The following C2orf66 variants were observed in gnomAD, a reference collection of about 807,000 sequenced individuals.
C2orf66 encodes chromosome 2 open reading frame 66, also known as uncharacterized protein C2orf66.
C2orf66 carries 6 observed loss-of-function variants against 7.0 expected under a neutral mutation model. The observed-to-expected ratio is 0.86, with a 90% CI of 0.47 to 1.69. The LOEUF is 1.69. Among genes scored for constraint, C2orf66 ranks in the 40% most tolerant of loss-of-function variants. C2orf66 has a pLI of 0.01. For missense variants in C2orf66, 107 were observed against 112.0 expected (o/e 0.96, Z 0.20); for synonymous variants, 38 against 43.8 (o/e 0.87, Z 0.52).
chr2:196,821,055 G>A, the C2orf66 span, among the ~76,000 whole-genome samples: 4 of 152,282 alleles, frequency 2.6e-5, no homozygotes, highest in Admixed American at 2.6e-4. Context: ...GATTTCACAG[G>A]CACACAGAGG....
At chr2:196,815,132 C>CT in the C2orf66 span, among the ~76,000 whole-genome samples, 89 of 148,910 alleles carry the variant, frequency 6.0e-4, no homozygotes, top group African/African-American at 1.2e-3. Flanking sequence ...GGCTGGCTCT[C>CT]TTTTTTTTTT....
intron 1 of C2orf66, 123 bp downstream of exon 1, chr2:196,809,091 G>T: frequency 9.6e-7 from 1 of 1,040,136 alleles, no homozygotes; most frequent in Non-Finnish European, 1.4e-6. Flanking sequence ...AATCCTGTTG[G>T]AGAATTTTCT....
At chr2:196,829,375 G>A in the C2orf66 span, among the ~76,000 whole-genome samples, 1 of 152,012 alleles carries the variant, frequency 6.6e-6, no homozygotes, top group Non-Finnish European at 1.5e-5. Flanking sequence ...GATCACCTGA[G>A]GTCAGGAGTT....
At chr2:196,823,725 G>A in the C2orf66 span, among the ~76,000 whole-genome samples, 1 of 152,098 alleles carries the variant, frequency 6.6e-6, no homozygotes, top group Non-Finnish European at 1.5e-5. Context: ...TGTCTAGTTT[G>A]GTGAAGACTA....
upstream of C2orf66, chr2:196,810,242 A>C (rs943964863): frequency 3.3e-5 from 5 of 152,194 alleles, no homozygotes; most frequent in Non-Finnish European, 7.3e-5. Flanking sequence ...GAAGGGATAC[A>C]CCTGGAAATA....
At chr2:196,825,951 GTATTA>G in the C2orf66 span, among the ~76,000 whole-genome samples, 1 of 152,112 alleles carries the variant, frequency 6.6e-6, no homozygotes, top group Non-Finnish European at 1.5e-5. Context: ...TATGATTCAT[GTATTA>G]TATTATTAAA....
the C2orf66 span, among the ~76,000 whole-genome samples, chr2:196,830,934 A>G: frequency 1.3e-5 from 2 of 152,162 alleles, no homozygotes; most frequent in African/African-American, 2.4e-5. Context: ...AATCCAGCAG[A>G]GAGTGTAACC....
At chr2:196,817,320 C>T in the C2orf66 span, among the ~76,000 whole-genome samples, 5 of 150,778 alleles carry the variant, frequency 3.3e-5, no homozygotes, top group East Asian at 3.9e-4. Context: ...CTTCAAGCTC[C>T]GCCTCCTGGG....
In C2orf66 at chr2:196,805,342, T is replaced by C. The variant is rs904167339; in HGVS notation, c.*86A>G. 6.6e-6 allele frequency: 1 copy of C among 152,184 alleles called. No homozygotes were observed. Among genetic ancestry groups the C allele is most frequent in the Admixed American group, 6.5e-5 (1 of 15,276 alleles). The allele number at this position is 152,184 out of a possible 1,614,324, so 9.4% of individuals were successfully genotyped here. ...GGGGGAAAGAAACTCCATGAAAGTT[T>C]AGCTATGACAATGGTTGAATTTTTC... On this transcript the variant is annotated 3_prime_UTR_variant, in exon 3 of 3. Coordinates refer to ENST00000342506, the MANE Select transcript of C2orf66 (RefSeq NM_213608.3).
At chr2:196,811,386 A>G, upstream of C2orf66, among the ~76,000 whole-genome samples, 1 of 152,250 alleles carries the variant, frequency 6.6e-6, no homozygotes, top group East Asian at 1.9e-4. Flanking sequence ...GTTACACAGT[A>G]GTCCAGGCAG....
chr2:196,806,757 G>A (rs1699824437), intron 2 of C2orf66, among the ~76,000 whole-genome samples: 1 of 151,918 alleles, frequency 6.6e-6, no homozygotes, highest in Non-Finnish European at 1.5e-5. Flanking sequence ...TCAGGAGGCT[G>A]AGGCAGAAGA....
the C2orf66 span, among the ~76,000 whole-genome samples, chr2:196,814,448 G>A: frequency 6.6e-6 from 1 of 152,076 alleles, no homozygotes; most frequent in Non-Finnish European, 1.5e-5. Flanking sequence ...GGGAGAGATA[G>A]CACTAGGAGA....
At chr2:196,828,299 G>T in the C2orf66 span, among the ~76,000 whole-genome samples, 2 of 149,782 alleles carry the variant, frequency 1.3e-5, no homozygotes, top group African/African-American at 4.9e-5. Context: ...GCAACCTAGG[G>T]GTGGGAGACT....
At chr2:196,828,100 T>G in the C2orf66 span, among the ~76,000 whole-genome samples, 3 of 152,166 alleles carry the variant, frequency 2.0e-5, no homozygotes, top group Non-Finnish European at 4.4e-5. Flanking sequence ...GTAAAATGAT[T>G]CAGCTCATTT....
the C2orf66 span, among the ~76,000 whole-genome samples, chr2:196,830,488 G>A: frequency 1.3e-5 from 2 of 152,146 alleles, no homozygotes; most frequent in African/African-American, 4.8e-5. Flanking sequence ...TTTCAGCCCA[G>A]GTATAAAAGC....
chr2:196,809,146 T>A (rs1440252687), intron 1 of C2orf66, 68 bp downstream of exon 1: 1 of 1,459,340 alleles, frequency 6.9e-7, no homozygotes, highest in African/African-American at 1.4e-5. Flanking sequence ...GAAAACAGAA[T>A]GCTGTGTGCG....
At chr2:196,825,314 T>C in the C2orf66 span, among the ~76,000 whole-genome samples, 1 of 150,956 alleles carries the variant, frequency 6.6e-6, no homozygotes, top group South Asian at 2.1e-4. Context: ...GAAAAAATTA[T>C]CAACATCACT....
At chr2:196,828,942 A>G in the C2orf66 span, among the ~76,000 whole-genome samples, 1 of 152,204 alleles carries the variant, frequency 6.6e-6, no homozygotes, top group Non-Finnish European at 1.5e-5. Flanking sequence ...CTGAGCAGAG[A>G]ACAAACACAC....
At chr2:196,823,018 T>TAAAAAAAAA in the C2orf66 span, among the ~76,000 whole-genome samples, 1 of 137,862 alleles carries the variant, frequency 7.3e-6, no homozygotes, top group Non-Finnish European at 1.6e-5. Context: ...AACTTCTTGT[T>TAAAAAAAAA]AAAAAAAAAA....
Sources: allele counts gnomAD v4.1 joint callset (sites outside exome capture counted in the v4.1 genomes callset), GRCh38; gene constraint gnomAD v4.1.1; transcripts MANE v1.5; gene names NCBI Gene and HGNC (gene_info 2026-07-23, HGNC 2026-07-21).